Variants in CABLES1 observed in about 807,000 individuals in gnomAD.
The protein encoded by CABLES1 is Cdk5 and Abl enzyme substrate 1, also known as CDK5 and ABL1 enzyme substrate 1.
CABLES1 carries 36 observed loss-of-function variants against 57.8 expected under a neutral mutation model. The observed-to-expected ratio is 0.62, with a 90% CI of 0.48 to 0.82. The LOEUF (loss-of-function observed/expected upper bound fraction) is 0.82, where lower values mean the gene tolerates loss of function less well. Ranked by LOEUF, CABLES1 falls within the 40% of genes least tolerant of loss-of-function variation. CABLES1 has a pLI of 0.00. For missense variants in CABLES1, 767 were observed against 836.6 expected (o/e 0.92, Z 1.03); for synonymous variants, 374 against 363.0 (o/e 1.03, Z -0.35).
chr18:23,172,960 T>A (rs2047093678), intron 1 of CABLES1, among the ~76,000 whole-genome samples: 1 of 152,216 alleles, frequency 6.6e-6, no homozygotes. Context: ...GAAAACTGGA[T>A]CAGGCTTTTT....
intron 4 of CABLES1, among the ~76,000 whole-genome samples, chr18:23,226,331 A>G (rs1258026314): frequency 3.3e-5 from 5 of 151,660 alleles, no homozygotes; most frequent in Non-Finnish European, 7.4e-5. Flanking sequence ...GAACCTGAGA[A>G]GTGGAGGTTG....
Position 23,235,932 on chromosome 18 carries a change from C to T in CABLES1, c.1223C>T (p.Ala408Val). 1 of 1,614,184 alleles carries T rather than the reference C, an allele frequency of 6.2e-7. No individual in the cohort carries two copies. Among genetic ancestry groups the T allele is most frequent in the Non-Finnish European group, 8.5e-7 (1 of 1,180,026 alleles). The change falls in exon 6 of 10, where the codon GCC becomes GTC. Residue 408 changes from alanine to valine, a missense_variant. Around this residue, in one of 4 missense-constraint regions of CABLES1, gnomAD observed 529 missense variants for 622.8 expected, o/e 0.85. Coordinates refer to ENST00000256925, the MANE Select transcript of CABLES1 (RefSeq NM_001100619.3). ...SYTQFLLPTN[A>V]FGARRNTIDS... ...ACCCAATTTCTGTTACCCACAAATGCCTTTGGAGCCCGGAGAAATACCATA... is the reference window on the plus strand; with the variant it reads ...ACCCAATTTCTGTTACCCACAAATGTCTTTGGAGCCCGGAGAAATACCATA...
In CABLES1 at chr18:23,257,480, C is replaced by CT. The variant is rs2145148820; in HGVS notation, c.*114dup. Reference sequence around the variant, plus strand: ...CTCAGAATACCAGACTTTTCTTCCTCTCGACATAGTTTGGGGAGAAGCAGT... The same window carrying CT: ...CTCAGAATACCAGACTTTTCTTCCTCTTCGACATAGTTTGGGGAGAAGCAGT... On this transcript the variant is annotated 3_prime_UTR_variant, in exon 10 of 10. Transcript: ENST00000256925. The CT allele has an allele frequency of 8.2e-7, 1 of 1,219,508 alleles. No homozygotes were observed. The allele number at this position is 1,219,508 out of a possible 1,614,324, so 75.5% of individuals were successfully genotyped here.
chr18:23,223,346 G>A (rs895228650), intron 4 of CABLES1, among the ~76,000 whole-genome samples: 26 of 152,058 alleles, frequency 1.7e-4, no homozygotes, highest in Admixed American at 2.6e-4. Context: ...TTGGGAGGCC[G>A]AGGCGGGCGA....
Position 23,178,380 on chromosome 18 carries a change from C to T in CABLES1, c.846-10458C>T, listed in dbSNP as rs534127980. Among the ~76,000 whole-genome samples the T allele has an allele frequency of 9.9e-5, 15 of 150,918 alleles. No homozygotes were observed. The East Asian group carries it at 2.1e-3, about 21-fold the overall frequency. On this transcript the variant is annotated intron_variant, in intron 1 of 9. Transcript: ENST00000256925. ...ACTGAGCCAGCGACCCTGGGCTGGC[C>T]GCCTGATGTCCTGATACCCTAAGGC...
intron 1 of CABLES1, chr18:23,156,080 C>A: frequency 9.0e-7 from 1 of 1,112,822 alleles, no homozygotes; most frequent in South Asian, 1.4e-5. Flanking sequence ...AGCGGGATGT[C>A]AGTCCTGATG....
intron 2 of CABLES1, among the ~76,000 whole-genome samples, chr18:23,189,569 G>A (rs914890321): frequency 6.6e-6 from 1 of 152,204 alleles, no homozygotes; most frequent in African/African-American, 2.4e-5. Flanking sequence ...CCTGAGCTGG[G>A]TGGGGCAGCA....
intron 1 of CABLES1, among the ~76,000 whole-genome samples, chr18:23,176,701 G>A (rs1189958683): frequency 1.3e-5 from 2 of 152,146 alleles, no homozygotes; most frequent in African/African-American, 4.8e-5. Context: ...CCACTATTGA[G>A]TGTGGGCCAC....
At position 23,253,804 on chromosome 18, in the gene CABLES1, C is replaced by T. The variant is rs939101202; in HGVS notation, c.1629C>T (p.Val543=). The change falls in exon 9 of 10, where the codon GTC becomes GTT. Residue 543 remains valine, a synonymous_variant. Transcript: ENST00000256925. ...AGCCCACGGTGGCCATGGCCTTCGT[C>T]TACTTTGAAAAGCTCGCCCTCAAGG... ...LEEPTVAMAF[V]YFEKLALKGK... is the part of the protein sequence containing the mutation. The T allele has an allele frequency of 1.2e-6, 2 of 1,614,224 alleles. No individual in the cohort carries two copies. Among genetic ancestry groups the T allele is most frequent in the South Asian group, 1.1e-5 (1 of 91,086 alleles).
intron 8 of CABLES1, 101 bp downstream of exon 8, chr18:23,253,167 T>C: frequency 1.4e-6 from 1 of 694,280 alleles, no homozygotes; most frequent in South Asian, 1.6e-5. Flanking sequence ...GTGGTTCCAG[T>C]GATTGAGTCA....
At chr18:23,158,504 T>A (rs1241736508) in intron 1 of CABLES1, among the ~76,000 whole-genome samples, 1 of 152,214 alleles carries the variant, frequency 6.6e-6, no homozygotes, top group Admixed American at 6.5e-5. Flanking sequence ...GGAAAATATA[T>A]AGTACGGTTG....
chr18:23,213,507 C>T (rs1359433928), intron 3 of CABLES1, among the ~76,000 whole-genome samples: 1 of 152,164 alleles, frequency 6.6e-6, no homozygotes, highest in Admixed American at 6.5e-5. Flanking sequence ...AACATGTTGC[C>T]AGCAGATGAA....
At chr18:23,239,944 C>G (rs1014966494) in intron 7 of CABLES1, among the ~76,000 whole-genome samples, 1 of 152,128 alleles carries the variant, frequency 6.6e-6, no homozygotes, top group Non-Finnish European at 1.5e-5. Context: ...GTGGTAAAAC[C>G]CCATCTCTAC....
intron 1 of CABLES1, among the ~76,000 whole-genome samples, chr18:23,147,387 T>G (rs2046898065): frequency 6.6e-6 from 1 of 152,232 alleles, no homozygotes; most frequent in Non-Finnish European, 1.5e-5. Flanking sequence ...CTCCAGTACT[T>G]TTGGGGTGTT....
At chr18:23,150,282 C>A (rs564225084) in intron 1 of CABLES1, among the ~76,000 whole-genome samples, 291 of 145,596 alleles carry the variant, frequency 2.0e-3, no homozygotes, top group African/African-American at 6.9e-3. Flanking sequence ...GATCTTGGCT[C>A]ACTGCCAGCT....
At chr18:23,235,758 C>A in intron 5 of CABLES1, 137 bp from the exon 6 acceptor site, 1 of 907,934 alleles carries the variant, frequency 1.1e-6, no homozygotes, top group Non-Finnish European at 1.7e-6. Context: ...TTTCATTTTT[C>A]AGATCTCATT....
At chr18:23,153,812 C>G (rs929068910) in intron 1 of CABLES1, among the ~76,000 whole-genome samples, 4 of 152,146 alleles carry the variant, frequency 2.6e-5, no homozygotes, top group Admixed American at 2.0e-4. Flanking sequence ...GGGCAGATCA[C>G]TTGAGACTAG....
Position 23,150,988 on chromosome 18 carries a change from G to T in CABLES1, c.845+14381G>T, listed in dbSNP as rs577812575. Among the ~76,000 whole-genome samples the T allele has an allele frequency of 1.8e-4, 27 of 151,328 alleles. No individual in the cohort carries two copies. In the East Asian group the frequency reaches 2.1e-3, roughly 12 times the overall value. On this transcript the variant is annotated intron_variant, in intron 1 of 9. Coordinates refer to ENST00000256925, the MANE Select transcript of CABLES1 (RefSeq NM_001100619.3). ...GCTCTCATTGTCTTTATTAGAAGCCGCTGGGGAGCACAGTGCCCTGGCCTA... is the reference window on the plus strand; with the variant it reads ...GCTCTCATTGTCTTTATTAGAAGCCTCTGGGGAGCACAGTGCCCTGGCCTA...
intron 7 of CABLES1, among the ~76,000 whole-genome samples, chr18:23,251,552 G>A (rs1206791429): frequency 2.0e-5 from 3 of 152,108 alleles, no homozygotes; most frequent in African/African-American, 7.2e-5. Flanking sequence ...AGGAAACCCA[G>A]AAAAAAATTG....
Sources: allele counts gnomAD v4.1 joint callset (sites outside exome capture counted in the v4.1 genomes callset), GRCh38; gene constraint gnomAD v4.1.1; regional missense constraint gnomAD v4.1.1; transcripts MANE v1.5; gene names NCBI Gene and HGNC (gene_info 2026-07-23, HGNC 2026-07-21).